Variants in PDZRN4 observed in about 807,000 individuals in gnomAD.
The protein encoded by PDZRN4 is PDZ domain-containing RING finger protein 4.
PDZRN4 carries 70 observed loss-of-function variants against 99.0 expected under a neutral mutation model. The ratio of observed to expected loss-of-function variants is 0.71; its 90% CI spans 0.58 to 0.86. The LOEUF is 0.86. PDZRN4 is among the 40% of genes least tolerant of loss of function. The probability of loss-of-function intolerance (pLI) is 0.00; values close to 1 mark genes in which losing one functional copy is unlikely to be tolerated. For missense variants in PDZRN4, 1,474 were observed against 1,331.2 expected, an observed-to-expected ratio of 1.11 and a Z score of -1.67; for synonymous variants, 551 against 501.6, an observed-to-expected ratio of 1.10 and a Z score of -1.32.
At chr12:41,562,418 T>G (rs1341895569) in intron 7 of PDZRN4, among the ~76,000 whole-genome samples, 1 of 152,136 alleles carries the variant, frequency 6.6e-6, no homozygotes, top group Non-Finnish European at 1.5e-5. Flanking sequence ...AAGTCCTTAG[T>G]GAAAGACATT....
chr12:41,217,269 G>A (rs182952626), intron 3 of PDZRN4, among the ~76,000 whole-genome samples: 27 of 152,154 alleles, frequency 1.8e-4, no homozygotes, highest in African/African-American at 5.8e-4. Context: ...AGGCAGGGCT[G>A]GCTTCATGGG....
chr12:41,541,731 G>T (rs1378617175), intron 5 of PDZRN4, among the ~76,000 whole-genome samples: 1 of 152,110 alleles, frequency 6.6e-6, no homozygotes, highest in Non-Finnish European at 1.5e-5. Flanking sequence ...GGGATTACAG[G>T]CGTGAGCCAC....
intron 3 of PDZRN4, among the ~76,000 whole-genome samples, chr12:41,315,751 C>T (rs900120801): frequency 1.3e-5 from 2 of 151,954 alleles, no homozygotes; most frequent in Non-Finnish European, 2.9e-5. Context: ...ATTGCCCTGC[C>T]CTTATCCTAA....
At chr12:41,499,757 T>G (rs1257849849) in intron 3 of PDZRN4, among the ~76,000 whole-genome samples, 1 of 152,074 alleles carries the variant, frequency 6.6e-6, no homozygotes, top group Non-Finnish European at 1.5e-5. Context: ...TGAGTCCTGC[T>G]TGCATTTGAG....
intron 3 of PDZRN4, among the ~76,000 whole-genome samples, chr12:41,231,796 T>C (rs960152548): frequency 1.3e-5 from 2 of 152,016 alleles, no homozygotes; most frequent in African/African-American, 4.8e-5. Context: ...ACATCTTGAG[T>C]TGTGGTCAGT....
intron 3 of PDZRN4, among the ~76,000 whole-genome samples, chr12:41,308,621 A>C (rs1200193547): frequency 6.6e-6 from 1 of 152,180 alleles, no homozygotes; most frequent in African/African-American, 2.4e-5. Flanking sequence ...CTTTATAAAT[A>C]GGAAAAAGAG....
intron 3 of PDZRN4, among the ~76,000 whole-genome samples, chr12:41,395,944 A>T (rs2121130231): frequency 6.6e-6 from 1 of 152,226 alleles, no homozygotes; most frequent in African/African-American, 2.4e-5. Context: ...TTTTCTCAGA[A>T]GGCATTTTTT....
At chr12:41,282,691 T>C (rs1308351861) in intron 3 of PDZRN4, among the ~76,000 whole-genome samples, 2 of 152,036 alleles carry the variant, frequency 1.3e-5, no homozygotes, top group African/African-American at 4.8e-5. Flanking sequence ...CACGGTGAAA[T>C]CAAACTAGAA....
At position 41,438,073 on chromosome 12, in the gene PDZRN4, G is replaced by A. The variant is rs367817382; in HGVS notation, c.844-68383G>A. The A allele has an allele frequency of 2.7e-4, 421 of 1,562,070 alleles. 4 individuals carry two copies. In the Middle Eastern group the frequency reaches 3.7e-3, roughly 14 times the overall value. On this transcript the variant is annotated intron_variant, in intron 3 of 9. Coordinates refer to ENST00000402685, the MANE Select transcript of PDZRN4 (RefSeq NM_001164595.2). ...CAGGCTTTGTGTTTGTCTGAAAGAC[G>A]GTAAATGAATTCTGGCTAGCTTTAT...
chr12:41,518,398 T>A (rs1230644122), intron 5 of PDZRN4, among the ~76,000 whole-genome samples: 1 of 152,088 alleles, frequency 6.6e-6, no homozygotes, highest in African/African-American at 2.4e-5. Context: ...ACTGTATGAG[T>A]GCAATTTTGC....
chr12:41,332,523 A>G (rs1951746492), intron 3 of PDZRN4, among the ~76,000 whole-genome samples: 1 of 151,828 alleles, frequency 6.6e-6, no homozygotes, highest in African/African-American at 2.4e-5. Context: ...AGGATATGGG[A>G]GATATTGTGA....
chr12:41,511,649 G>T (rs1938305938), intron 5 of PDZRN4, among the ~76,000 whole-genome samples: 1 of 152,140 alleles, frequency 6.6e-6, no homozygotes, highest in Non-Finnish European at 1.5e-5. Context: ...AGGCATGGGA[G>T]AATACCTCCA....
intron 3 of PDZRN4, among the ~76,000 whole-genome samples, chr12:41,340,953 C>A (rs1951811800): frequency 6.6e-6 from 1 of 151,612 alleles, no homozygotes; most frequent in Non-Finnish European, 1.5e-5. Context: ...AACATAGATA[C>A]AAAAATTCTC....
chr12:41,438,653 C>A (rs1952652644), intron 3 of PDZRN4, among the ~76,000 whole-genome samples: 2 of 152,140 alleles, frequency 1.3e-5, no homozygotes, highest in Admixed American at 1.3e-4. Flanking sequence ...CTTATTACAA[C>A]AACTGTAGGT....
intron 3 of PDZRN4, among the ~76,000 whole-genome samples, chr12:41,235,331 G>A (rs372041144): frequency 6.6e-6 from 1 of 151,922 alleles, no homozygotes; most frequent in South Asian, 2.1e-4. Context: ...ATAAGAAAAA[G>A]GCCAAAAAAT....
chr12:41,570,230 T>C (rs1412167809), intron 9 of PDZRN4, among the ~76,000 whole-genome samples: 1 of 152,196 alleles, frequency 6.6e-6, no homozygotes, highest in Non-Finnish European at 1.5e-5. Context: ...CAGAAACCTT[T>C]AAAAGTCCTT....
At chr12:41,355,398 A>G (rs1479542463) in intron 3 of PDZRN4, among the ~76,000 whole-genome samples, 1 of 152,016 alleles carries the variant, frequency 6.6e-6, no homozygotes, top group East Asian at 1.9e-4. Context: ...AATTAGGCAG[A>G]CCAGATTGGT....
chr12:41,260,376 G>C (rs1037804219), intron 3 of PDZRN4, among the ~76,000 whole-genome samples: 2 of 151,874 alleles, frequency 1.3e-5, no homozygotes, highest in Non-Finnish European at 2.9e-5. Context: ...TTTTGTGGGT[G>C]GTCTCTGATT....
intron 3 of PDZRN4, among the ~76,000 whole-genome samples, chr12:41,413,877 T>C (rs747472750): frequency 4.8e-4 from 73 of 152,166 alleles, no homozygotes; most frequent in Non-Finnish European, 4.0e-4. Context: ...GGTTGTTTCA[T>C]AGTTTCTATT....
Sources: allele counts gnomAD v4.1 joint callset (sites outside exome capture counted in the v4.1 genomes callset), GRCh38; gene constraint gnomAD v4.1.1; transcripts MANE v1.5; gene names NCBI Gene and HGNC (gene_info 2026-07-23, HGNC 2026-07-21).